PRSS16: variants seen among roughly 807,000 people sequenced by gnomAD.
The protein encoded by PRSS16 is thymus-specific serine protease.
PRSS16 carries 43 observed loss-of-function variants against 61.7 expected under a neutral mutation model. That is an observed-to-expected ratio of 0.70 (90% CI 0.55 to 0.90). The LOEUF is 0.90. PRSS16 is among the 40% of genes least tolerant of loss of function. The probability of loss-of-function intolerance (pLI) is 0.00; values close to 1 mark genes in which losing one functional copy is unlikely to be tolerated. For missense variants in PRSS16, 591 were observed against 659.1 expected, an observed-to-expected ratio of 0.90 and a Z score of 1.13; for synonymous variants, 273 against 285.2, an observed-to-expected ratio of 0.96 and a Z score of 0.43.
In PRSS16 at chr6:27,251,252, C is replaced by G; in HGVS notation, c.705C>G (p.Gly235=). 1 of 1,607,516 alleles carries G rather than the reference C, an allele frequency of 6.2e-7. No homozygotes were observed. Among genetic ancestry groups the G allele is most frequent in the Non-Finnish European group, 8.5e-7 (1 of 1,176,552 alleles). Residue 235 remains glycine, a synonymous_variant, in exon 7 of 12, where the codon GGC becomes GGG. Coordinates refer to ENST00000230582, the MANE Select transcript of PRSS16 (RefSeq NM_005865.4). The surrounding 1 kb of genome is among the most constrained non-coding windows in gnomAD (Gnocchi z 5.6). The part of the protein sequence containing the change: ...VSRSLMSTAI[G]GSLECRAAVS... ...GAAGCCTAATGAGCACCGCGATCGGCGGGTCCCTGGAGGTAGGAGGTGGGG... is the reference window on the plus strand; with the variant it reads ...GAAGCCTAATGAGCACCGCGATCGGGGGGTCCCTGGAGGTAGGAGGTGGGG...
chr6:27,250,542 G>A, intron 4 of PRSS16, 141 bp from the exon 5 acceptor site: 1 of 1,275,192 alleles, frequency 7.8e-7, no homozygotes, highest in Non-Finnish European at 1.1e-6. Flanking sequence ...AGAACACTTG[G>A]AAACACGTCA....
intron 4 of PRSS16, among the ~76,000 whole-genome samples, 159 bp from the exon 5 acceptor site, chr6:27,250,524 T>C (rs532030136): frequency 6.6e-6 from 1 of 152,358 alleles, no homozygotes; most frequent in East Asian, 1.9e-4. Context: ...GAAGTGTATG[T>C]GGCTTGGAGA....
intron 9 of PRSS16, 22 bp from the exon 10 acceptor site, chr6:27,254,671 T>A: frequency 1.3e-6 from 2 of 1,589,396 alleles, no homozygotes; most frequent in Non-Finnish European, 1.7e-6. Context: ...ATACCCACAC[T>A]TACAGGTATC....
chr6:27,250,728 T>A lies in PRSS16; in HGVS notation c.513T>A (p.Phe171Leu), dbSNP rs1759861208. 4 of 1,613,720 alleles carry A rather than the reference T, an allele frequency of 2.5e-6. No homozygotes were observed. Among genetic ancestry groups the A allele is most frequent in the Non-Finnish European group, 3.4e-6 (4 of 1,179,962 alleles). Residue 171 changes from phenylalanine (F) to leucine (L), a missense_variant, in exon 5 of 12, where the codon TTT becomes TTA. By Grantham distance (22) the Phe-to-Leu change is conservative. Coordinates refer to ENST00000230582, the MANE Select transcript of PRSS16 (RefSeq NM_005865.4). ...CCCGCCTGGCACTTTCCCGCCTCTTTAACATCTCCTCCTCCAGCCCCTGGA... is the reference window on the plus strand; with the variant it reads ...CCCGCCTGGCACTTTCCCGCCTCTTAAACATCTCCTCCTCCAGCCCCTGGA... ...VSARLALSRL[F>L]NISSSSPWIC...
In PRSS16 at chr6:27,255,454, A is replaced by G; in HGVS notation, c.*139A>G. On this transcript the variant is annotated 3_prime_UTR_variant, in exon 12 of 12. Coordinates refer to ENST00000230582, the MANE Select transcript of PRSS16 (RefSeq NM_005865.4). This position sits in a 1 kb window ranked among gnomAD's most constrained non-coding sequence, Gnocchi z 4.4. ...AGCACCTGTTCCGCACGTAATTGGC[A>G]TGTGTCTGCAAACATCCTTATTCCC... 1.2e-6 allele frequency: 1 copy of G among 827,274 alleles called. No homozygotes were observed. Among genetic ancestry groups the G allele is most frequent in the Non-Finnish European group, 1.9e-6 (1 of 528,292 alleles). The allele number at this position is 827,274 out of a possible 1,614,324, so 51.2% of individuals were successfully genotyped here.
Position 27,252,088 on chromosome 6 carries a change from C to G in PRSS16, c.1008+48C>G. 1 of 1,442,762 alleles carries G rather than the reference C, an allele frequency of 6.9e-7. No homozygotes were observed. The allele number at this position is 1,442,762 out of a possible 1,614,324, so 89.4% of individuals were successfully genotyped here. On this transcript the variant is annotated intron_variant, in intron 8 of 11. Transcript: ENST00000230582. The surrounding 1 kb of genome is among the most constrained non-coding windows in gnomAD (Gnocchi z 4.2). Reference sequence around the variant, plus strand: ...GGGAGGAGTTAGCGGACAAAGATTCCTGCCCCACTTCCGTTGTGTGATCTT... The same window carrying G: ...GGGAGGAGTTAGCGGACAAAGATTCGTGCCCCACTTCCGTTGTGTGATCTT...
At position 27,251,985 on chromosome 6, in the gene PRSS16, G is replaced by A. The variant is rs1413619186; in HGVS notation, c.953G>A (p.Gly318Asp). ...CAGCTCTGCGGACTTCTCCTCGGGGGCGGGGGCAACCGCAGCCACTCCACG... is the reference window on the plus strand; with the variant it reads ...CAGCTCTGCGGACTTCTCCTCGGGGACGGGGGCAACCGCAGCCACTCCACG... Reference protein sequence around the residue: ...VRQLCGLLLGGGGNRSHSTPY... With the variant: ...VRQLCGLLLGDGGNRSHSTPY... The change falls in exon 8 of 12, where the codon GGC becomes GAC. Residue 318 changes from glycine (G) to aspartate (D), a missense_variant. Physicochemically the swap from Gly to Asp is moderately conservative, Grantham distance 94. Coordinates refer to ENST00000230582, the MANE Select transcript of PRSS16 (RefSeq NM_005865.4). The surrounding 1 kb of genome is among the most constrained non-coding windows in gnomAD (Gnocchi z 5.6). The A allele has an allele frequency of 6.3e-7, 1 of 1,590,860 alleles. No homozygotes were observed. Among genetic ancestry groups the A allele is most frequent in the South Asian group, 1.1e-5 (1 of 88,888 alleles).
Position 27,255,151 on chromosome 6 carries a change from G to A in PRSS16, c.1476+20G>A, listed in dbSNP as rs1760004104. Reference sequence around the variant, plus strand: ...CGCCAGGTAAGAGAAAAAAGGCTCTGAATCATTTGCATTCTCATTTGAATA... The same window carrying A: ...CGCCAGGTAAGAGAAAAAAGGCTCTAAATCATTTGCATTCTCATTTGAATA... On this transcript the variant is annotated intron_variant, in intron 11 of 11. Transcript: ENST00000230582. This position sits in a 1 kb window ranked among gnomAD's most constrained non-coding sequence, Gnocchi z 4.4. The A allele has an allele frequency of 6.2e-7, 1 of 1,613,940 alleles. No homozygotes were observed. The highest frequency in any genetic ancestry group is 1.3e-5 in the African/African-American group (1 of 74,890).
At position 27,255,314 on chromosome 6, in the gene PRSS16, GA is replaced by G. The variant is rs748621394; in HGVS notation, c.*1del. ...AKESQIKGEV[*>X] The stretch of plus-strand genomic sequence containing the variant: ...GAGAGCCAGATTAAGGGTGAAGTCT[GA>G]ATCTCATACCCTTTCCACTCCCTGC... On this transcript the variant is annotated frameshift_variant and stop_lost, in exon 12 of 12. Coordinates refer to ENST00000230582, the MANE Select transcript of PRSS16 (RefSeq NM_005865.4). LOFTEE classifies it high-confidence loss of function. This position sits in a 1 kb window ranked among gnomAD's most constrained non-coding sequence, Gnocchi z 4.4. 5.0e-6 allele frequency: 8 copies of G among 1,606,094 alleles called. No individual in the cohort carries two copies. The East Asian group carries it at 1.6e-4, about 31-fold the overall frequency.
chr6:27,253,190 C>T, intron 9 of PRSS16: 2 of 533,316 alleles, frequency 3.8e-6, no homozygotes. Flanking sequence ...TCAGCCTATT[C>T]TTTCTCTGTG....
At chr6:27,253,147 C>T (rs1199350101) in intron 9 of PRSS16, 198 bp downstream of exon 9, 15 of 627,072 alleles carry the variant, frequency 2.4e-5, no homozygotes, top group Non-Finnish European at 4.2e-5. Flanking sequence ...TCCTCACGCA[C>T]ACACTGAGGT....
In PRSS16 at chr6:27,252,665, C is replaced by G. The variant is rs183219432; in HGVS notation, c.1009-143C>G. The G allele has an allele frequency of 6.8e-4, 560 of 827,510 alleles. 2 individuals carry two copies. In the East Asian group the frequency reaches 0.014, roughly 21 times the overall value. The allele number at this position is 827,510 out of a possible 1,614,324, so 51.3% of individuals were successfully genotyped here. On this transcript the variant is annotated intron_variant, in intron 8 of 11. Transcript: ENST00000230582. The surrounding 1 kb of genome is among the most constrained non-coding windows in gnomAD (Gnocchi z 4.2). ...TCACAAGGACCCAGGCATCCACCCC[C>G]TCTGACCACTGACTCCCAGGAGAAC...
At chr6:27,248,753 G>T (rs1029746682) in intron 2 of PRSS16, 94 bp from the exon 3 acceptor site, 7 of 791,476 alleles carry the variant, frequency 8.8e-6, no homozygotes, top group Non-Finnish European at 1.2e-5. Context: ...CATAAGGAAA[G>T]ATCCATTAGG....
chr6:27,256,189 C>G lies in PRSS16; in HGVS notation c.*874C>G, dbSNP rs1760026680. 1 of 140,466 alleles carries G rather than the reference C, an allele frequency of 7.1e-6. No individual in the cohort carries two copies. The highest frequency in any genetic ancestry group is 2.1e-4 in the South Asian group (1 of 4,828). The allele number at this position is 140,466 out of a possible 1,614,324, so 8.7% of individuals were successfully genotyped here. A position where few individuals can be genotyped will look rare whatever the true frequency, so the allele number is the denominator to read the frequency against. On this transcript the variant is annotated 3_prime_UTR_variant, in exon 12 of 12. Coordinates refer to ENST00000230582, the MANE Select transcript of PRSS16 (RefSeq NM_005865.4). Reference sequence around the variant, plus strand: ...TCCTGTCACTTAATCTTTTCCTTCTCTATCTCTCTTATTTAGTCTTCCTTC... The same window carrying G: ...TCCTGTCACTTAATCTTTTCCTTCTGTATCTCTCTTATTTAGTCTTCCTTC...
In PRSS16 at chr6:27,251,608, G is replaced by GGGGCCTGGGGGCGC; in HGVS notation, c.718-133_718-132insGGCGCGGGCCTGGG. The GGGGCCTGGGGGCGC allele has an allele frequency of 9.0e-7, 1 of 1,110,720 alleles. No homozygotes were observed. The highest frequency in any genetic ancestry group is 1.2e-6 in the Non-Finnish European group (1 of 814,512). The allele number at this position is 1,110,720 out of a possible 1,614,324, so 68.8% of individuals were successfully genotyped here. A position where few individuals can be genotyped will look rare whatever the true frequency, so the allele number is the denominator to read the frequency against. On this transcript the variant is annotated intron_variant, in intron 7 of 11. Coordinates refer to ENST00000230582, the MANE Select transcript of PRSS16 (RefSeq NM_005865.4). The surrounding 1 kb of genome is among the most constrained non-coding windows in gnomAD (Gnocchi z 5.6). ...GATTGGGGGCGGGGGCCTGGGGGCG[G>GGGGCCTGGGGGCGC]GGGCCTGGGCCAAGAGCTAGGTCTG...
chr6:27,253,417 G>A, intron 9 of PRSS16: 1 of 401,468 alleles, frequency 2.5e-6, no homozygotes, highest in South Asian at 1.8e-5. Flanking sequence ...TCCCTTCCCA[G>A]CCGCTTCTCT....
chr6:27,251,331 G>T lies in PRSS16; in HGVS notation c.717+67G>T. 1 of 1,519,870 alleles carries T rather than the reference G, an allele frequency of 6.6e-7. No homozygotes were observed. The allele number at this position is 1,519,870 out of a possible 1,614,324, so 94.1% of individuals were successfully genotyped here. Reference sequence around the variant, plus strand: ...AGAGGCCTCGGATGCCAGGGAAGAGGAGGCCAGAGAAGGGCGAAACCTGCA... The same window carrying T: ...AGAGGCCTCGGATGCCAGGGAAGAGTAGGCCAGAGAAGGGCGAAACCTGCA... On this transcript the variant is annotated intron_variant, in intron 7 of 11. Coordinates refer to ENST00000230582, the MANE Select transcript of PRSS16 (RefSeq NM_005865.4). This position sits in a 1 kb window ranked among gnomAD's most constrained non-coding sequence, Gnocchi z 5.6.
intron 9 of PRSS16, chr6:27,254,295 A>G (rs75941773): frequency 1.8e-5 from 3 of 163,584 alleles, no homozygotes; most frequent in African/African-American, 7.2e-5. Context: ...ACAGTGAGCT[A>G]TGGGTTTTAA....
chr6:27,250,617 C>T, intron 4 of PRSS16, 66 bp from the exon 5 acceptor site: 3 of 1,512,066 alleles, frequency 2.0e-6, no homozygotes, highest in Non-Finnish European at 2.7e-6. Context: ...GGGTTTCCCC[C>T]AGAATGGGGA....
Sources: gnomAD v4.1 joint callset for allele counts (sites outside exome capture counted in the v4.1 genomes callset) on GRCh38, gnomAD v4.1.1 for gene constraint, Gnocchi (gnomAD v3.1) non-coding constraint, MANE v1.5 for transcripts, NCBI Gene and HGNC (gene_info 2026-07-23, HGNC 2026-07-21) for gene names.